The following KCNK4 variants were observed in gnomAD, a reference collection of about 807,000 sequenced individuals.
The protein encoded by KCNK4 is potassium two pore domain channel subfamily K member 4, also known as potassium channel subfamily K member 4.
A neutral mutation model predicts 28.8 loss-of-function variants in KCNK4; 22 were observed. The ratio of observed to expected loss-of-function variants is 0.76; its 90% CI spans 0.55 to 1.09. The LOEUF (loss-of-function observed/expected upper bound fraction) is 1.09, where lower values mean the gene tolerates loss of function less well. KCNK4 is among the 50% of genes least tolerant of loss of function. The probability of loss-of-function intolerance (pLI) is 0.00; values close to 1 mark genes in which losing one functional copy is unlikely to be tolerated. For synonymous variants in KCNK4, 263 were observed against 252.9 expected, an observed-to-expected ratio of 1.04 and a Z score of -0.38; for missense variants, 483 against 546.3, an observed-to-expected ratio of 0.88 and a Z score of 1.15.
At chr11:64,295,244 C>T (rs1254425355) in intron 2 of KCNK4, among the ~76,000 whole-genome samples, 1 of 152,136 alleles carries the variant, frequency 6.6e-6, no homozygotes, top group Admixed American at 6.5e-5. Flanking sequence ...TTCTGTTAAG[C>T]ACCAATTGTG....
At chr11:64,297,777 G>A in intron 5 of KCNK4, 124 bp downstream of exon 5, 1 of 994,088 alleles carries the variant, frequency 1.0e-6, no homozygotes, top group Non-Finnish European at 1.5e-6. Flanking sequence ...ATCATGGAAT[G>A]CACCATCACA....
Position 64,297,606 on chromosome 11 carries a change from T to A in KCNK4, c.614T>A (p.Phe205Tyr). The A allele has an allele frequency of 6.2e-7, 1 of 1,614,064 alleles. No homozygotes were observed. The highest frequency in any genetic ancestry group is 1.1e-5 in the South Asian group (1 of 91,084). Residue 205 changes from phenylalanine (F) to tyrosine (Y), a missense_variant, in exon 5 of 7, where the codon TTT (phenylalanine) becomes TAT (tyrosine). By Grantham distance (22) the Phe-to-Tyr change is conservative (BLOSUM62 3). Transcript: ENST00000422670. ...EDWSKLEAIY[F>Y]VIVTLTTVGF... ...TGGAGCAAGCTGGAGGCCATCTACT[T>A]TGTCATAGTGACGCTTACCACCGTG... is the stretch of plus-strand genomic sequence containing the variant.
Position 64,299,921 on chromosome 11 carries a change from G to A in KCNK4, c.*195G>A. The A allele has an allele frequency of 9.6e-7, 1 of 1,045,804 alleles. No individual in the cohort carries two copies. Among genetic ancestry groups the A allele is most frequent in the Non-Finnish European group, 1.4e-6 (1 of 727,278 alleles). The allele number at this position is 1,045,804 out of a possible 1,614,324, so 64.8% of individuals were successfully genotyped here. On this transcript the variant is annotated 3_prime_UTR_variant, in exon 7 of 7. Coordinates refer to ENST00000422670, the MANE Select transcript of KCNK4 (RefSeq NM_033310.3). Reference sequence around the variant, plus strand: ...TCTCTAGACCCCCCCAAGGCTTTCTGTGTCGCTGCCCCGGGCGGGTGTATC... The same window carrying A: ...TCTCTAGACCCCCCCAAGGCTTTCTATGTCGCTGCCCCGGGCGGGTGTATC...
chr11:64,295,419 GT>G (rs1229779097), intron 2 of KCNK4, among the ~76,000 whole-genome samples: 9 of 152,170 alleles, frequency 5.9e-5, no homozygotes, highest in African/African-American at 2.2e-4. Flanking sequence ...AAGCTGGAAA[GT>G]TCCGGAGCAT....
chr11:64,296,082 A>G (rs1456540513), intron 2 of KCNK4: 1 of 152,146 alleles, frequency 6.6e-6, no homozygotes, highest in Non-Finnish European at 1.5e-5. Flanking sequence ...GATCACAACC[A>G]GTTACAGATT....
At chr11:64,297,794 C>A (rs1263982337) in intron 5 of KCNK4, 141 bp downstream of exon 5, 1 of 861,286 alleles carries the variant, frequency 1.2e-6, no homozygotes, top group Non-Finnish European at 1.8e-6. Context: ...CACAGCCTTG[C>A]ACACACACCA....
At chr11:64,296,677 A>G (rs1249304606) in intron 2 of KCNK4, among the ~76,000 whole-genome samples, 1 of 152,188 alleles carries the variant, frequency 6.6e-6, no homozygotes, top group East Asian at 1.9e-4. Flanking sequence ...CAAACATTGT[A>G]GAAGTCAAAC....
chr11:64,299,376 T>C lies in KCNK4; in HGVS notation c.832T>C (p.Trp278Arg), dbSNP rs2034862374. ...MGGLTAQAASWTGTVTARVTQ... is the reference protein window; with the variant it reads ...MGGLTAQAASRTGTVTARVTQ... The stretch of plus-strand genomic sequence containing the variant: ...CGGCCTCACGGCTCAGGCTGCCAGC[T>C]GGACTGGCACGGTGACAGCGCGCGT... Residue 278 changes from tryptophan to arginine, a missense_variant, in exon 7 of 7, where the codon TGG becomes CGG. By Grantham distance (101) the Trp-to-Arg change is moderately radical. Coordinates refer to ENST00000422670, the MANE Select transcript of KCNK4 (RefSeq NM_033310.3). 1.3e-6 allele frequency: 2 copies of C among 1,573,894 alleles called. No individual in the cohort carries two copies. Among genetic ancestry groups the C allele is most frequent in the Non-Finnish European group, 1.7e-6 (2 of 1,162,794 alleles).
intron 1 of KCNK4, chr11:64,291,918 G>T (rs907591776): frequency 1.5e-6 from 1 of 649,520 alleles, no homozygotes; most frequent in Non-Finnish European, 2.0e-6. Flanking sequence ...CGGTCCCGCC[G>T]CCCGCCACGC....
chr11:64,299,288 G>C, intron 6 of KCNK4, 58 bp from the exon 7 acceptor site: 3 of 1,410,248 alleles, frequency 2.1e-6, no homozygotes, highest in Non-Finnish European at 2.8e-6. Flanking sequence ...CAGGTTCCCG[G>C]GGGGTCGCGG....
intron 6 of KCNK4, among the ~76,000 whole-genome samples, chr11:64,298,587 TG>T (rs1023427424): frequency 4.0e-5 from 6 of 151,854 alleles, no homozygotes; most frequent in Non-Finnish European, 7.4e-5. Flanking sequence ...GAGGCTGAGA[TG>T]GGAGGATCGC....
chr11:64,297,400 G>A, intron 4 of KCNK4, 67 bp from the exon 5 acceptor site: 1 of 1,588,310 alleles, frequency 6.3e-7, no homozygotes, highest in South Asian at 1.1e-5. Flanking sequence ...CTGGGGGCGG[G>A]AGTGGGGAGT....
rs2034686013 is a variant in KCNK4 at position 64,293,282 on chromosome 11, G to C, written c.189+75G>C. 3.7e-6 allele frequency: 5 copies of C among 1,365,592 alleles called. No individual in the cohort carries two copies. The African/African-American group carries it at 6.0e-5, about 16-fold the overall frequency. The allele number at this position is 1,365,592 out of a possible 1,614,324, so 84.6% of individuals were successfully genotyped here. On this transcript the variant is annotated intron_variant, in intron 2 of 6. Transcript: ENST00000422670. ...GCTAGCTGTGTGCCAGTGAGGCCCT[G>C]TGCCAGTGCTGCTTTCAGATCAGTA...
Position 64,293,158 on chromosome 11 carries a change from T to C in KCNK4, c.140T>C (p.Leu47Pro), listed in dbSNP as rs1017472172. The change falls in exon 2 of 7, where the codon CTG (leucine) becomes CCG (proline). Residue 47 changes from leucine to proline, a missense_variant. Leu to Pro is a moderately conservative substitution (Grantham distance 98). Transcript: ENST00000422670. ...RELGEVREKF[L>P]RAHPCVSDQE... ...CTGGGGGAGGTCCGAGAGAAGTTCCTGAGGGCCCATCCGTGTGTGAGCGAC... is the reference window on the plus strand; with the variant it reads ...CTGGGGGAGGTCCGAGAGAAGTTCCCGAGGGCCCATCCGTGTGTGAGCGAC... 5.9e-6 allele frequency: 9 copies of C among 1,530,390 alleles called. No homozygotes were observed. Among genetic ancestry groups the C allele is most frequent in the African/African-American group, 1.4e-5 (1 of 72,352 alleles). The allele number at this position is 1,530,390 out of a possible 1,614,324, so 94.8% of individuals were successfully genotyped here.
rs1460212907 is a variant in KCNK4, at chr11:64,299,906, C to T, written c.*180C>T. Reference sequence around the variant, plus strand: ...CCTCACTTCCATCCATCTCTAGACCCCCCCAAGGCTTTCTGTGTCGCTGCC... The same window carrying T: ...CCTCACTTCCATCCATCTCTAGACCTCCCCAAGGCTTTCTGTGTCGCTGCC... On this transcript the variant is annotated 3_prime_UTR_variant, in exon 7 of 7. Coordinates refer to ENST00000422670, the MANE Select transcript of KCNK4 (RefSeq NM_033310.3). The T allele has an allele frequency of 8.2e-7, 1 of 1,220,974 alleles. No homozygotes were observed. The highest frequency in any genetic ancestry group is 1.1e-6 in the Non-Finnish European group (1 of 879,944). The allele number at this position is 1,220,974 out of a possible 1,614,324, so 75.6% of individuals were successfully genotyped here. A position where few individuals can be genotyped will look rare whatever the true frequency, so the allele number is the denominator to read the frequency against.
At position 64,293,037 on chromosome 11, in the gene KCNK4, CT is replaced by C; in HGVS notation, c.20del (p.Leu7ArgfsTer41). On this transcript the variant is annotated frameshift_variant, in exon 2 of 7. Transcript: ENST00000422670. LOFTEE classifies it high-confidence loss of function. ...GCGCGCCATGCGCAGCACCACGCTC[CT>C]GGCCCTGCTGGCGCTGGTCTTGCTT... The part of the protein sequence containing the change: MRSTTL[L>X]ALLALVLLYL... The C allele has an allele frequency of 6.5e-7, 1 of 1,547,572 alleles. No individual in the cohort carries two copies. The highest frequency in any genetic ancestry group is 8.7e-7 in the Non-Finnish European group (1 of 1,146,024).
At chr11:64,297,710 C>T (rs907562501) in intron 5 of KCNK4, 57 bp downstream of exon 5, 101 of 1,531,788 alleles carry the variant, frequency 6.6e-5, no homozygotes, top group Middle Eastern at 1.7e-4. Flanking sequence ...TGATCAGGGG[C>T]TCTGCACTCC....
At chr11:64,295,767 T>C (rs751419559) in intron 2 of KCNK4, among the ~76,000 whole-genome samples, 7 of 151,890 alleles carry the variant, frequency 4.6e-5, no homozygotes, top group Non-Finnish European at 8.8e-5. Context: ...TGGGGAGCCA[T>C]GGAGGGTGTT....
rs754475009 is a variant in KCNK4 at position 64,298,105 on chromosome 11, C to G, written c.662-5C>G. ...TTCTTTCTACCTTCCCTGGTGGTAT[C>G]CCAGGCGCGGACCCCAGGCAGGACT... is the stretch of plus-strand genomic sequence containing the variant. On this transcript the variant is annotated splice_region_variant and splice_polypyrimidine_tract_variant and intron_variant, in intron 5 of 6. Transcript: ENST00000422670. 1 of 1,612,808 alleles carries G rather than the reference C, an allele frequency of 6.2e-7. No individual in the cohort carries two copies. Among genetic ancestry groups the G allele is most frequent in the Non-Finnish European group, 8.5e-7 (1 of 1,179,766 alleles).
Sources: gnomAD v4.1 joint callset for allele counts (sites outside exome capture counted in the v4.1 genomes callset) on GRCh38, gnomAD v4.1.1 for gene constraint, MANE v1.5 for transcripts, NCBI Gene and HGNC (gene_info 2026-07-23, HGNC 2026-07-21) for gene names.